GPR157: variants seen among roughly 807,000 people sequenced by gnomAD.
The protein encoded by GPR157 is G protein-coupled receptor 157.
In GPR157, 16 loss-of-function variants were observed where a neutral mutation model predicts 23.5. The ratio of observed to expected loss-of-function variants is 0.68; its 90% CI spans 0.46 to 1.04. GPR157 has a LOEUF of 1.04. Among genes scored for constraint, GPR157 ranks in the 50% least tolerant of loss-of-function variants. The pLI is 0.00. For missense variants in GPR157, 440 were observed against 460.7 expected (o/e 0.96, Z 0.41); for synonymous variants, 200 against 221.5 (o/e 0.90, Z 0.86).
chr1:9,119,989 T>C (rs1638766084), intron 1 of GPR157, among the ~76,000 whole-genome samples: 2 of 152,064 alleles, frequency 1.3e-5, no homozygotes, highest in African/African-American at 4.8e-5. Context: ...TCAGAGCGGG[T>C]CCTTGGGAGT....
At chr1:9,110,962 G>A (rs1214027175) in intron 2 of GPR157, among the ~76,000 whole-genome samples, 1 of 152,206 alleles carries the variant, frequency 6.6e-6, no homozygotes, top group Non-Finnish European at 1.5e-5. Context: ...CCATGACCAA[G>A]GACACAGCAG....
At chr1:9,114,529 C>T (rs1638592183) in intron 1 of GPR157, among the ~76,000 whole-genome samples, 1 of 152,066 alleles carries the variant, frequency 6.6e-6, no homozygotes, top group Non-Finnish European at 1.5e-5. Context: ...GGATTCCCCT[C>T]TGAGTTGGGC....
chr1:9,105,462 A>G lies in GPR157; in HGVS notation c.792+24T>C. The stretch of plus-strand genomic sequence containing the variant: ...TGCCTCCTCTGGGGGCAGGGACGAC[A>G]AGGGCCAGGGAGGGCAGACCTACAT... On this transcript the variant is annotated intron_variant, in intron 3 of 3. Coordinates refer to ENST00000377411, the MANE Select transcript of GPR157 (RefSeq NM_024980.5). The surrounding 1 kb of genome is among the most constrained non-coding windows in gnomAD (Gnocchi z 4.8). 3 of 1,523,308 alleles carry G rather than the reference A, an allele frequency of 2.0e-6. No homozygotes were observed. The highest frequency in any genetic ancestry group is 2.7e-6 in the Non-Finnish European group (3 of 1,128,666). 94.4% of individuals were successfully genotyped at this position (1,523,308 alleles called of 1,614,324 possible).
chr1:9,105,685 G>A lies in GPR157; in HGVS notation c.598-5C>T. 1 of 1,599,042 alleles carries A rather than the reference G, an allele frequency of 6.3e-7. No homozygotes were observed. The highest frequency in any genetic ancestry group is 8.5e-7 in the Non-Finnish European group (1 of 1,171,162). ...GTACTCAGAGAGTGCCGTGTGCTGT[G>A]TGGGGACAGCGAGGGCAGACTTGAG... On this transcript the variant is annotated splice_polypyrimidine_tract_variant and splice_region_variant and intron_variant, in intron 2 of 3. Coordinates refer to ENST00000377411, the MANE Select transcript of GPR157 (RefSeq NM_024980.5). The surrounding 1 kb of genome is among the most constrained non-coding windows in gnomAD (Gnocchi z 4.8).
At position 9,129,032 on chromosome 1, in the gene GPR157, T is replaced by TG. The variant is rs1184743715; in HGVS notation, c.-6dup. 1.5e-5 allele frequency: 19 copies of TG among 1,265,660 alleles called. No individual in the cohort carries two copies. Among genetic ancestry groups the TG allele is most frequent in the South Asian group, 2.9e-5 (1 of 34,570 alleles). The allele number at this position is 1,265,660 out of a possible 1,614,324, so 78.4% of individuals were successfully genotyped here. A position where few individuals can be genotyped will look rare whatever the true frequency, so the allele number is the denominator to read the frequency against. On this transcript the variant is annotated 5_prime_UTR_variant, in exon 1 of 4. Coordinates refer to ENST00000377411, the MANE Select transcript of GPR157 (RefSeq NM_024980.5). ...GGGCGGCGGGGACGGCTGCATGGCG[T>TG]GGGGGGCCAGGAGCCGGAGCGCCGC...
rs1638723740 is a variant in GPR157, at chr1:9,118,122, A to T, written c.384-6633T>A. ...GCCAGTGCCAGGTCACCTGAGGAGC[A>T]TGTAAAGAGACGCTGGGCCTTGAGC... On this transcript the variant is annotated intron_variant, in intron 1 of 3. Transcript: ENST00000377411. This position sits in a 1 kb window ranked among gnomAD's most constrained non-coding sequence, Gnocchi z 4.6. Among the ~76,000 whole-genome samples the T allele has an allele frequency of 6.6e-6, 1 of 152,218 alleles. No individual in the cohort carries two copies. The highest frequency in any genetic ancestry group is 1.5e-5 in the Non-Finnish European group (1 of 68,044).
At chr1:9,121,631 C>T (rs990586357) in intron 1 of GPR157, among the ~76,000 whole-genome samples, 4 of 152,182 alleles carry the variant, frequency 2.6e-5, no homozygotes, top group African/African-American at 9.7e-5. Flanking sequence ...CAGAGCTAGA[C>T]TCCATCTCAA....
In GPR157 at chr1:9,104,472, G is replaced by C; in HGVS notation, c.955C>G (p.Pro319Ala). 1 of 1,613,952 alleles carries C rather than the reference G, an allele frequency of 6.2e-7. No homozygotes were observed. The highest frequency in any genetic ancestry group is 8.5e-7 in the Non-Finnish European group (1 of 1,179,976). The change falls in exon 4 of 4, where the codon CCA (proline) becomes GCA (alanine). Residue 319 changes from proline to alanine, a missense_variant. By Grantham distance (27) the Pro-to-Ala change is conservative (BLOSUM62 -1). Transcript: ENST00000377411. ...CCTTGGGATTCCTGAGATTCTCCTG[G>C]CTTGGAAGGCGCGGGAGCCTTGGGA... is the stretch of plus-strand genomic sequence containing the variant. ...GTPKAPAPSK[P>A]GESQESQGTP...
chr1:9,107,338 T>G (rs1638365576), intron 2 of GPR157, among the ~76,000 whole-genome samples: 1 of 152,218 alleles, frequency 6.6e-6, no homozygotes, highest in South Asian at 2.1e-4. Flanking sequence ...CTGCTCATGA[T>G]GAACACGTGA....
Position 9,129,016 on chromosome 1 carries a change from G to C in GPR157, c.12C>G (p.Ser4=). 1 of 1,304,412 alleles carries C rather than the reference G, an allele frequency of 7.7e-7. No homozygotes were observed. The highest frequency in any genetic ancestry group is 9.7e-7 in the Non-Finnish European group (1 of 1,029,740). 80.8% of individuals were successfully genotyped at this position (1,304,412 alleles called of 1,614,324 possible). A position where few individuals can be genotyped will look rare whatever the true frequency, so the allele number is the denominator to read the frequency against. The change falls in exon 1 of 4, where the codon TCC becomes TCG. Residue 4 remains serine, a synonymous_variant. Transcript: ENST00000377411. MQP[S]PPPTELVPSE... Reference sequence around the variant, plus strand: ...ACGGCACCAGCTCGGTGGGCGGCGGGGACGGCTGCATGGCGTGGGGGGCCA... The same window carrying C: ...ACGGCACCAGCTCGGTGGGCGGCGGCGACGGCTGCATGGCGTGGGGGGCCA...
Position 9,111,461 on chromosome 1 carries a change from CCA to C in GPR157, c.410_411del (p.Val137GlyfsTer11). The C allele has an allele frequency of 6.2e-7, 1 of 1,614,010 alleles. No individual in the cohort carries two copies. Among genetic ancestry groups the C allele is most frequent in the South Asian group, 1.1e-5 (1 of 91,076 alleles). On this transcript the variant is annotated frameshift_variant, in exon 2 of 4. Coordinates refer to ENST00000377411, the MANE Select transcript of GPR157 (RefSeq NM_024980.5). LOFTEE classifies it high-confidence loss of function. ...VSWGVPLVIT[V>X]AAVALKKIGY... ...CCAATCTTCTTCAGGGCGACGGCTG[CCA>C]CAGTGATGACCAACGGGACCCCCCA...
intron 1 of GPR157, among the ~76,000 whole-genome samples, chr1:9,126,223 G>A (rs1360508770): frequency 6.6e-6 from 1 of 152,178 alleles, no homozygotes; most frequent in Non-Finnish European, 1.5e-5. Context: ...CTCCCAAAGT[G>A]CTGGGATTTA....
chr1:9,119,329 G>C (rs995397720), intron 1 of GPR157, among the ~76,000 whole-genome samples: 3 of 151,984 alleles, frequency 2.0e-5, no homozygotes, highest in African/African-American at 7.2e-5. Context: ...CACAATGACC[G>C]GCCAAGACTC....
chr1:9,111,184 C>T (rs1286871409), intron 2 of GPR157, 92 bp downstream of exon 2: 1 of 1,203,310 alleles, frequency 8.3e-7, no homozygotes, highest in South Asian at 1.3e-5. Context: ...GAGACGCAAC[C>T]TGTCCCCTCG....
At chr1:9,126,609 T>A (rs1364860792) in intron 1 of GPR157, among the ~76,000 whole-genome samples, 1 of 152,224 alleles carries the variant, frequency 6.6e-6, no homozygotes, top group Non-Finnish European at 1.5e-5. Flanking sequence ...CAATAGATCC[T>A]GCAAACAATA....
chr1:9,113,753 G>A (rs983009058), intron 1 of GPR157, among the ~76,000 whole-genome samples: 3 of 151,924 alleles, frequency 2.0e-5, no homozygotes, highest in Non-Finnish European at 2.9e-5. Context: ...AGACCAGCCT[G>A]GCCAACATAG....
rs2124507117 is a variant in GPR157, at chr1:9,105,840, C to T, written c.598-160G>A. Among the ~76,000 whole-genome samples the T allele has an allele frequency of 6.6e-6, 1 of 152,230 alleles. No individual in the cohort carries two copies. The highest frequency in any genetic ancestry group is 1.9e-4 in the East Asian group (1 of 5,180). On this transcript the variant is annotated intron_variant, in intron 2 of 3. Coordinates refer to ENST00000377411, the MANE Select transcript of GPR157 (RefSeq NM_024980.5). The surrounding 1 kb of genome is among the most constrained non-coding windows in gnomAD (Gnocchi z 4.8). ...TTCTCCTGAACCCTGACTGCTAGAT[C>T]CTCTGCCCAGTCCCCACCTCCACAT...
chr1:9,123,206 A>G (rs1003233450), intron 1 of GPR157, among the ~76,000 whole-genome samples: 12 of 130,764 alleles, frequency 9.2e-5, no homozygotes, highest in African/African-American at 3.2e-4. Context: ...TAAAATTTAT[A>G]TATATATTTA....
Position 9,105,732 on chromosome 1 carries a change from C to T in GPR157, c.598-52G>A, listed in dbSNP as rs545022903. 88 of 1,495,740 alleles carry T rather than the reference C, an allele frequency of 5.9e-5. 2 individuals are homozygous for T. The South Asian group carries it at 8.0e-4, about 14-fold the overall frequency. 92.7% of individuals were successfully genotyped at this position (1,495,740 alleles called of 1,614,324 possible). ...TGAGTGGATAGGCACCCTCCCGCCA[C>T]GTCCACCCAGGCTGCCCAGGTCTTC... On this transcript the variant is annotated intron_variant, in intron 2 of 3. Coordinates refer to ENST00000377411, the MANE Select transcript of GPR157 (RefSeq NM_024980.5). This position sits in a 1 kb window ranked among gnomAD's most constrained non-coding sequence, Gnocchi z 4.8.
Sources: allele counts gnomAD v4.1 joint callset (sites outside exome capture counted in the v4.1 genomes callset), GRCh38; gene constraint gnomAD v4.1.1; non-coding constraint Gnocchi (gnomAD v3.1); transcripts MANE v1.5; gene names NCBI Gene and HGNC (gene_info 2026-07-23, HGNC 2026-07-21).